Variants in MCTP2 observed in about 807,000 individuals in gnomAD.
MCTP2 encodes the protein multiple C2 and transmembrane domain containing 2.
MCTP2 carries 132 observed loss-of-function variants against 111.6 expected under a neutral mutation model. The ratio of observed to expected loss-of-function variants is 1.18; its 90% CI spans 1.03 to 1.37. MCTP2 has a LOEUF of 1.37. Ranked by LOEUF, MCTP2 falls within the 40% of genes most tolerant of loss-of-function variation. The pLI is 0.00. For synonymous variants in MCTP2, 395 were observed against 387.7 expected (o/e 1.02, Z -0.22); for missense variants, 1,183 against 1,067.9 (o/e 1.11, Z -1.50).
chr15:94,441,661 G>A (rs2083788605), intron 18 of MCTP2, among the ~76,000 whole-genome samples: 1 of 152,160 alleles, frequency 6.6e-6, no homozygotes, highest in Non-Finnish European at 1.5e-5. Flanking sequence ...ACACAACTAT[G>A]AGGGAGGCAA....
chr15:94,249,574 C>T (rs1173311626), intron 1 of MCTP2, among the ~76,000 whole-genome samples: 1 of 152,036 alleles, frequency 6.6e-6, no homozygotes, highest in African/African-American at 2.4e-5. Flanking sequence ...CAACCTCCGC[C>T]TCCTGGGTTC....
In MCTP2 at chr15:94,253,630, C is replaced by A. The variant is rs140339404; in HGVS notation, c.-66+21966C>A. 3.3e-3 allele frequency among the ~76,000 whole-genome samples: 500 copies of A among 152,254 alleles called. 1 individual carries two copies. Among genetic ancestry groups the A allele is most frequent in the African/African-American group, 0.011 (471 of 41,522 alleles). On this transcript the variant is annotated intron_variant, in intron 1 of 22. Transcript: ENST00000357742. ...TTTGCTATCTGCTTCTCCTACTGTA[C>A]TCTGAGTGCCTCAGGAGAATAAATG...
At chr15:94,335,304 A>T (rs1313878741) in intron 4 of MCTP2, among the ~76,000 whole-genome samples, 1 of 152,260 alleles carries the variant, frequency 6.6e-6, no homozygotes, top group African/African-American at 2.4e-5. Flanking sequence ...AAAAGAATAT[A>T]AAATCAGTGG....
rs935988301 is a variant in MCTP2, at chr15:94,479,297, A to G, written c.*263A>G. On this transcript the variant is annotated 3_prime_UTR_variant, in exon 23 of 23. Coordinates refer to ENST00000357742, the MANE Select transcript of MCTP2 (RefSeq NM_001385001.1). ...GTGAAAGACTAACATCCATTCTGAA[A>G]TAGGAGATAACAAGGCTGCCATGGA... 8.2e-6 allele frequency: 4 copies of G among 489,166 alleles called. No homozygotes were observed. Among genetic ancestry groups the G allele is most frequent in the African/African-American group, 3.8e-5 (2 of 52,592 alleles). 30.3% of individuals were successfully genotyped at this position (489,166 alleles called of 1,614,324 possible).
intron 9 of MCTP2, among the ~76,000 whole-genome samples, chr15:94,358,189 T>C (rs2060375): frequency 0.45 from 68,522 of 152,056 alleles, 15,609 homozygotes; most frequent in Admixed American, 0.5. Flanking sequence ...CTGATATATG[T>C]CCACTGTGTA....
intron 17 of MCTP2, among the ~76,000 whole-genome samples, chr15:94,430,705 T>C (rs1340583632): frequency 6.6e-6 from 1 of 151,882 alleles, no homozygotes; most frequent in Non-Finnish European, 1.5e-5. Flanking sequence ...TGAGCTGAGG[T>C]TGTGCCACTG....
chr15:94,478,539 A>G (rs1476975254), intron 22 of MCTP2, among the ~76,000 whole-genome samples: 1 of 152,224 alleles, frequency 6.6e-6, no homozygotes, highest in Admixed American at 6.5e-5. Flanking sequence ...CTCTCAGGCA[A>G]AGTAAATGTG....
intron 19 of MCTP2, among the ~76,000 whole-genome samples, chr15:94,451,134 C>T (rs150899614): frequency 1.3e-3 from 200 of 152,222 alleles, no homozygotes; most frequent in African/African-American, 4.6e-3. Flanking sequence ...GTTCTGCTTA[C>T]AAAAGTTAGC....
At chr15:94,348,326 C>T (rs2078099662) in intron 8 of MCTP2, among the ~76,000 whole-genome samples, 1 of 149,108 alleles carries the variant, frequency 6.7e-6, no homozygotes, top group Non-Finnish European at 1.5e-5. Flanking sequence ...GGGAATCAAT[C>T]TCCCTTCCCC....
At chr15:94,307,424 G>C (rs1215732850) in intron 2 of MCTP2, among the ~76,000 whole-genome samples, 1 of 152,148 alleles carries the variant, frequency 6.6e-6, no homozygotes, top group South Asian at 2.1e-4. Context: ...CAAGCATAAA[G>C]GCCCCAGGGT....
At chr15:94,362,565 C>A (rs965010897) in intron 10 of MCTP2, among the ~76,000 whole-genome samples, 4 of 152,104 alleles carry the variant, frequency 2.6e-5, no homozygotes, top group African/African-American at 7.2e-5. Flanking sequence ...CAAATTGCAC[C>A]CCATGTCGTT....
At chr15:94,478,736 C>T (rs868223813) in intron 22 of MCTP2, among the ~76,000 whole-genome samples, 5 of 152,174 alleles carry the variant, frequency 3.3e-5, no homozygotes, top group South Asian at 2.1e-4. Context: ...TAGAAACCCA[C>T]GCATCTCATT....
At position 94,430,393 on chromosome 15, in the gene MCTP2, T is replaced by TCACACA. The variant is rs35129445; in HGVS notation, c.2086-9737_2086-9732dup. Among the ~76,000 whole-genome samples, 949 of 107,182 alleles carry TCACACA rather than the reference T, an allele frequency of 8.9e-3. 10 individuals carry two copies. The highest frequency in any genetic ancestry group is 0.023 in the East Asian group (81 of 3,472). 70.3% of individuals were successfully genotyped at this position (107,182 alleles called of 152,430 possible). A position where few individuals can be genotyped will look rare whatever the true frequency, so the allele number is the denominator to read the frequency against. On this transcript the variant is annotated intron_variant, in intron 17 of 22. Coordinates refer to ENST00000357742, the MANE Select transcript of MCTP2 (RefSeq NM_001385001.1). ...ACAAACAAAAAAAACCCAAAAACAA[T>TCACACA]CACACACACACACACACACACACAC...
chr15:94,467,071 T>A (rs953743353), intron 20 of MCTP2, among the ~76,000 whole-genome samples: 62 of 152,186 alleles, frequency 4.1e-4, no homozygotes, highest in Non-Finnish European at 8.1e-4. Flanking sequence ...TTATAAATGA[T>A]TTATATGTAT....
chr15:94,256,508 T>A (rs1263255427), intron 1 of MCTP2, among the ~76,000 whole-genome samples: 1 of 152,208 alleles, frequency 6.6e-6, no homozygotes, highest in African/African-American at 2.4e-5. Context: ...AATATGGGAC[T>A]CCTTTCAGAT....
At chr15:94,294,024 C>T (rs2075146422) in intron 1 of MCTP2, among the ~76,000 whole-genome samples, 1 of 152,188 alleles carries the variant, frequency 6.6e-6, no homozygotes, top group Non-Finnish European at 1.5e-5. Context: ...TAGACTACTA[C>T]TGTCAGCAAC....
intron 1 of MCTP2, among the ~76,000 whole-genome samples, chr15:94,258,844 A>C (rs1307470867): frequency 6.6e-6 from 1 of 152,208 alleles, no homozygotes; most frequent in Non-Finnish European, 1.5e-5. Flanking sequence ...TTAATTATTC[A>C]GATGCTCTAG....
chr15:94,313,876 C>T lies in MCTP2; in HGVS notation c.466-406C>T, dbSNP rs944197350. ...ACTCTTTGAAACGTTTCCTTCCGAA[C>T]GGACATGCTCGATTCTCTGGATCCT... On this transcript the variant is annotated intron_variant, in intron 2 of 22. Coordinates refer to ENST00000357742, the MANE Select transcript of MCTP2 (RefSeq NM_001385001.1). Among the ~76,000 whole-genome samples, 4 of 152,204 alleles carry T rather than the reference C, an allele frequency of 2.6e-5. No individual in the cohort carries two copies. In the East Asian group the frequency reaches 5.8e-4, roughly 22 times the overall value.
rs772704798 is a variant in MCTP2 at position 94,341,035 on chromosome 15, TA to T, written c.969+112del. On this transcript the variant is annotated intron_variant, in intron 7 of 22. Coordinates refer to ENST00000357742, the MANE Select transcript of MCTP2 (RefSeq NM_001385001.1). ...ATGACTGATGTTTTTGCAATTATTT[TA>T]GGGGGGGTGCAACATTTTATGGAGT... 6.4e-5 allele frequency: 46 copies of T among 713,182 alleles called. No homozygotes were observed. In the East Asian group the frequency reaches 1.0e-3, roughly 16 times the overall value. 44.2% of individuals were successfully genotyped at this position (713,182 alleles called of 1,614,324 possible).
Sources: gnomAD v4.1 joint callset for allele counts (sites outside exome capture counted in the v4.1 genomes callset) on GRCh38, gnomAD v4.1.1 for gene constraint, MANE v1.5 for transcripts, NCBI Gene and HGNC (gene_info 2026-07-23, HGNC 2026-07-21) for gene names.